Variants in TMEM9 observed in about 807,000 individuals in gnomAD.
TMEM9 encodes the protein proton-transporting V-type ATPase complex assembly regulator TMEM9.
In TMEM9, 13 loss-of-function variants were observed where a neutral mutation model predicts 22.8. The ratio of observed to expected loss-of-function variants is 0.57; its 90% CI spans 0.37 to 0.91. TMEM9 has a LOEUF of 0.91. Ranked by LOEUF, TMEM9 falls within the 40% of genes least tolerant of loss-of-function variation. TMEM9 has a pLI of 0.01. For synonymous variants in TMEM9, 88 were observed against 93.0 expected (o/e 0.95, Z 0.31); for missense variants, 182 against 238.1 (o/e 0.76, Z 1.55).
intron 1 of TMEM9, among the ~76,000 whole-genome samples, chr1:201,159,898 C>A (rs1434832606): frequency 6.6e-6 from 1 of 152,200 alleles, no homozygotes; most frequent in Non-Finnish European, 1.5e-5. Flanking sequence ...CCAGCAGTTG[C>A]CCATTAGCTA....
chr1:201,153,991 G>A lies in TMEM9; in HGVS notation c.-68C>T. 9.7e-6 allele frequency: 15 copies of A among 1,543,634 alleles called. No individual in the cohort carries two copies. Among genetic ancestry groups the A allele is most frequent in the East Asian group, 2.3e-5 (1 of 43,364 alleles). On this transcript the variant is annotated 5_prime_UTR_variant, in exon 1 of 5. Coordinates refer to ENST00000367330, the MANE Select transcript of TMEM9 (RefSeq NM_001288565.2). The stretch of plus-strand genomic sequence containing the variant: ...AAAGAGATACGGAGTCGGAGAAGGG[G>A]AAGGTGGCCACACCGCAGCCAGCAC...
chr1:201,147,276 T>C (rs941786520), intron 2 of TMEM9, among the ~76,000 whole-genome samples: 8 of 152,066 alleles, frequency 5.3e-5, no homozygotes, highest in African/African-American at 1.7e-4. Context: ...GCATGTCCCA[T>C]AGAGACCATG....
chr1:201,164,278 T>G (rs899846452), intron 1 of TMEM9, among the ~76,000 whole-genome samples: 1 of 152,192 alleles, frequency 6.6e-6, no homozygotes, highest in African/African-American at 2.4e-5. Flanking sequence ...ATCCTTGTAG[T>G]GATGGAAATG....
intron 3 of TMEM9, 75 bp downstream of exon 3, chr1:201,146,665 T>C (rs766112502): frequency 1.5e-5 from 21 of 1,440,960 alleles, no homozygotes; most frequent in Admixed American, 1.7e-5. Flanking sequence ...AGTGAAAAAC[T>C]GTGGGTGTAG....
intron 2 of TMEM9, among the ~76,000 whole-genome samples, chr1:201,150,713 A>G (rs544785112): frequency 6.6e-6 from 1 of 152,310 alleles, no homozygotes; most frequent in South Asian, 2.1e-4. Flanking sequence ...GATCAACTGC[A>G]TCCTAAGCAC....
intron 2 of TMEM9, among the ~76,000 whole-genome samples, chr1:201,147,829 G>T (rs1159548762): frequency 1.3e-5 from 2 of 152,148 alleles, no homozygotes; most frequent in Non-Finnish European, 2.9e-5. Context: ...GGATCTGCCA[G>T]GCTGCTCTCT....
intron 1 of TMEM9, among the ~76,000 whole-genome samples, chr1:201,170,971 C>G (rs1666197831): frequency 6.6e-6 from 1 of 152,250 alleles, no homozygotes; most frequent in South Asian, 2.1e-4. Context: ...CTGTGCCGGG[C>G]CAGCAGGTGT....
chr1:201,148,730 C>G (rs6667912), intron 2 of TMEM9, among the ~76,000 whole-genome samples: 52,038 of 152,102 alleles, frequency 0.34, 9,186 homozygotes, highest in African/African-American at 0.4. Context: ...CTCTAAAGGA[C>G]TCTGTTCTCC....
intron 1 of TMEM9, among the ~76,000 whole-genome samples, chr1:201,161,056 A>G (rs1033208030): frequency 1.3e-5 from 2 of 152,232 alleles, no homozygotes; most frequent in Non-Finnish European, 2.9e-5. Flanking sequence ...TGAAATAACA[A>G]TAAATTCATT....
rs145205086 is a variant in TMEM9, at chr1:201,149,003, C to A, written c.159-2155G>T. On this transcript the variant is annotated intron_variant, in intron 2 of 4. Coordinates refer to ENST00000367330, the MANE Select transcript of TMEM9 (RefSeq NM_001288565.2). ...TACAAGCCTCCAGATTCCTCCCTTA[C>A]CTGAGCTACACTGGGTCCTGGGTCT... Among the ~76,000 whole-genome samples the A allele has an allele frequency of 3.5e-3, 537 of 152,336 alleles. 10 individuals are homozygous for A. The highest frequency in any genetic ancestry group is 0.028 in the Admixed American group (427 of 15,310).
At chr1:201,155,626 C>A (rs975803549), upstream of TMEM9, among the ~76,000 whole-genome samples, 3 of 152,126 alleles carry the variant, frequency 2.0e-5, no homozygotes, top group Non-Finnish European at 4.4e-5. Flanking sequence ...GGGCAGGAGG[C>A]CTGCAGTGTG....
intron 4 of TMEM9, among the ~76,000 whole-genome samples, chr1:201,137,628 T>C (rs1398430004): frequency 6.6e-6 from 1 of 152,232 alleles, no homozygotes; most frequent in African/African-American, 2.4e-5. Flanking sequence ...AGAATTCATT[T>C]CATGACCTAA....
rs1056399763 is a variant in TMEM9, at chr1:201,153,971, G to C, written c.-48C>G. On this transcript the variant is annotated 5_prime_UTR_variant, in exon 1 of 5. It adds an upstream start codon to the 5' untranslated region. Coordinates refer to ENST00000367330, the MANE Select transcript of TMEM9 (RefSeq NM_001288565.2). Reference sequence around the variant, plus strand: ...GCAAAGCCGGACACCTGGAAAAAGAGATACGGAGTCGGAGAAGGGGAAGGT... The same window carrying C: ...GCAAAGCCGGACACCTGGAAAAAGACATACGGAGTCGGAGAAGGGGAAGGT... 2 of 1,574,640 alleles carry C rather than the reference G, an allele frequency of 1.3e-6. No individual in the cohort carries two copies. Among genetic ancestry groups the C allele is most frequent in the African/African-American group, 1.4e-5 (1 of 73,704 alleles).
At chr1:201,168,473 C>G (rs1239749363) in intron 1 of TMEM9, among the ~76,000 whole-genome samples, 1 of 152,182 alleles carries the variant, frequency 6.6e-6, no homozygotes, top group Non-Finnish European at 1.5e-5. Flanking sequence ...AATCTCAGCA[C>G]TTTGGGAGGC....
At chr1:201,147,432 T>C (rs1396530806) in intron 2 of TMEM9, among the ~76,000 whole-genome samples, 2 of 152,166 alleles carry the variant, frequency 1.3e-5, no homozygotes, top group Non-Finnish European at 2.9e-5. Flanking sequence ...GACACTGCCT[T>C]CCTCTCATCT....
At chr1:201,168,967 C>CCT (rs371090020) in intron 1 of TMEM9, among the ~76,000 whole-genome samples, 1 of 128,606 alleles carries the variant, frequency 7.8e-6, no homozygotes, top group Non-Finnish European at 1.6e-5. Flanking sequence ...AATTATATTA[C>CCT]TTTTTTTTTT....
chr1:201,137,481 C>T (rs1664109218), intron 4 of TMEM9, among the ~76,000 whole-genome samples: 1 of 129,110 alleles, frequency 7.7e-6, no homozygotes, highest in Admixed American at 7.5e-5. Flanking sequence ...AACACACACA[C>T]ACACACACAC....
chr1:201,151,913 G>A lies in TMEM9; in HGVS notation c.67-61C>T, dbSNP rs1239814804. 15 of 1,321,694 alleles carry A rather than the reference G, an allele frequency of 1.1e-5. No homozygotes were observed. In the East Asian group the frequency reaches 2.8e-4, roughly 24 times the overall value. 81.9% of individuals were successfully genotyped at this position (1,321,694 alleles called of 1,614,324 possible). ...CCTGCCTGGGGTTCAGGGGGTTCAG[G>A]CTCTAGCAAGGTTGTCAACTTTCTG... On this transcript the variant is annotated intron_variant, in intron 1 of 4. Coordinates refer to ENST00000367330, the MANE Select transcript of TMEM9 (RefSeq NM_001288565.2).
At chr1:201,159,287 A>T (rs1330268373), upstream of TMEM9, among the ~76,000 whole-genome samples, 1 of 152,208 alleles carries the variant, frequency 6.6e-6, no homozygotes, top group Non-Finnish European at 1.5e-5. Flanking sequence ...ATGTCCTTAA[A>T]ATAGTATGGG....
Sources: gnomAD v4.1 joint callset for allele counts (sites outside exome capture counted in the v4.1 genomes callset) on GRCh38, gnomAD v4.1.1 for gene constraint, MANE v1.5 for transcripts, NCBI Gene and HGNC (gene_info 2026-07-23, HGNC 2026-07-21) for gene names.